The following CNKSR1 variants were observed in gnomAD, a reference collection of about 807,000 sequenced individuals.
The protein encoded by CNKSR1 is connector enhancer of kinase suppressor of Ras 1.
In CNKSR1, 88 loss-of-function variants were observed where a neutral mutation model predicts 95.6. The ratio of observed to expected loss-of-function variants is 0.92; its 90% CI spans 0.78 to 1.10. The LOEUF (loss-of-function observed/expected upper bound fraction) is 1.10, where lower values mean the gene tolerates loss of function less well. Among genes scored for constraint, CNKSR1 ranks in the 50% least tolerant of loss-of-function variants. The probability of loss-of-function intolerance (pLI) is 0.00; values close to 1 mark genes in which losing one functional copy is unlikely to be tolerated. For synonymous variants in CNKSR1, 355 were observed against 369.7 expected, an observed-to-expected ratio of 0.96 and a Z score of 0.46; for missense variants, 836 against 912.0, an observed-to-expected ratio of 0.92 and a Z score of 1.07.
In CNKSR1 at chr1:26,177,615, G is replaced by T; in HGVS notation, c.52+16G>T. On this transcript the variant is annotated intron_variant, in intron 1 of 20. Coordinates refer to ENST00000361530, the MANE Select transcript of CNKSR1 (RefSeq NM_006314.3). ...TGGCTGAGAGGTGGGTGGGGCTGGG[G>T]TAGAGTTGGGCTTGAAGGGGACTAG... is the stretch of plus-strand genomic sequence containing the variant. The T allele has an allele frequency of 2.5e-6, 4 of 1,613,994 alleles. No individual in the cohort carries two copies. Among genetic ancestry groups the T allele is most frequent in the Non-Finnish European group, 3.4e-6 (4 of 1,179,964 alleles).
rs1304859532 is a variant in CNKSR1 at position 26,181,135 on chromosome 1, G to T, written c.392+239G>T. Reference sequence around the variant, plus strand: ...TCTTTACCAAAAATATACAAAATTAGCCAGGTGTGGTGGTGCGCACCTGTA... The same window carrying T: ...TCTTTACCAAAAATATACAAAATTATCCAGGTGTGGTGGTGCGCACCTGTA... On this transcript the variant is annotated intron_variant, in intron 3 of 20. Transcript: ENST00000361530. 5 of 485,406 alleles carry T rather than the reference G, an allele frequency of 1.0e-5. No homozygotes were observed. The East Asian group carries it at 1.7e-4, about 17-fold the overall frequency. 30.1% of individuals were successfully genotyped at this position (485,406 alleles called of 1,614,324 possible).
chr1:26,188,967 C>T lies in CNKSR1; in HGVS notation c.1872+14C>T, dbSNP rs1219391848. Reference sequence around the variant, plus strand: ...AGCACACTCAAGGTCAGCTGGGGGGCTCTGGGCACAGCAAGGGACTAGGCT... The same window carrying T: ...AGCACACTCAAGGTCAGCTGGGGGGTTCTGGGCACAGCAAGGGACTAGGCT... On this transcript the variant is annotated intron_variant, in intron 20 of 20. Transcript: ENST00000361530. 6.2e-7 allele frequency: 1 copy of T among 1,612,392 alleles called. No homozygotes were observed. Among genetic ancestry groups the T allele is most frequent in the African/African-American group, 1.3e-5 (1 of 74,892 alleles).
Position 26,185,433 on chromosome 1 carries a change from C to T in CNKSR1, c.1308+247C>T, listed in dbSNP as rs1318644017. Among the ~76,000 whole-genome samples, 50 of 148,084 alleles carry T rather than the reference C, an allele frequency of 3.4e-4. No individual in the cohort carries two copies. In the Admixed American group the frequency reaches 3.4e-3, roughly 10 times the overall value. On this transcript the variant is annotated intron_variant, in intron 14 of 20. Coordinates refer to ENST00000361530, the MANE Select transcript of CNKSR1 (RefSeq NM_006314.3). ...TTGGAGACAAAGTCTCACTCTGTTG[C>T]CCAGGCCGGAGTGCAGTGGCATCAT...
chr1:26,180,676 C>G (rs187223074), intron 2 of CNKSR1, 39 bp from the exon 3 acceptor site: 2 of 1,613,862 alleles, frequency 1.2e-6, no homozygotes, highest in South Asian at 2.2e-5. Context: ...GGGGGGCTGG[C>G]TGCTGCCAGG....
Position 26,188,241 on chromosome 1 carries a change from C to T in CNKSR1, c.1462C>T (p.Arg488Cys), listed in dbSNP as rs144314289. Residue 488 changes from arginine (R) to cysteine (C), a missense_variant, in exon 17 of 21, where the codon CGT becomes TGT. By Grantham distance (180) the Arg-to-Cys change is radical. Coordinates refer to ENST00000361530, the MANE Select transcript of CNKSR1 (RefSeq NM_006314.3). ...CCTGCTTGCTCTCCATAGGTGGGTG[C>T]GTCATCTCATTACCTGCATCTCCAA... is the stretch of plus-strand genomic sequence containing the variant. Reference protein sequence around the residue: ...DTLTDLSMWVRHLITCISKYQ... With the variant: ...DTLTDLSMWVCHLITCISKYQ... 357 of 1,614,022 alleles carry T rather than the reference C, an allele frequency of 2.2e-4. No homozygotes were observed. Among genetic ancestry groups the T allele is most frequent in the Non-Finnish European group, 1.9e-4 (220 of 1,179,956 alleles).
intron 15 of CNKSR1, 71 bp downstream of exon 15, chr1:26,187,312 T>G (rs2088773090): frequency 3.8e-6 from 6 of 1,587,230 alleles, no homozygotes; most frequent in Non-Finnish European, 5.2e-6. Flanking sequence ...GGGGTAGCAG[T>G]GGGAGGTGTG....
chr1:26,185,131 G>T lies in CNKSR1; in HGVS notation c.1253G>T (p.Arg418Leu). 3.2e-6 allele frequency: 5 copies of T among 1,579,656 alleles called. No individual in the cohort carries two copies. The highest frequency in any genetic ancestry group is 4.3e-6 in the Non-Finnish European group (5 of 1,163,538). Residue 418 changes from arginine (R) to leucine (L), a missense_variant, in exon 14 of 21, where the codon CGC becomes CTC. Physicochemically the swap from Arg to Leu is moderately radical, Grantham distance 102 (BLOSUM62 -2). Transcript: ENST00000361530. ...APGGFMGPRW[R>L]RRWFVLKGHT... ...GGCGGCTTCATGGGCCCGCGCTGGC[G>T]CCGCCGCTGGTTTGTGCTCAAGGGA... is the stretch of plus-strand genomic sequence containing the variant.
Position 26,180,496 on chromosome 1 carries a change from G to C in CNKSR1, c.96G>C (p.Gln32His). Residue 32 changes from glutamine to histidine, a missense_variant, in exon 2 of 21, where the codon CAG becomes CAC. Transcript: ENST00000361530. ...SLQDYPFEDW[Q>H]LPGKNLLQLC... ...AGGACTATCCCTTTGAGGACTGGCAGCTGCCTGGCAAGAACCTGCTCCAGC... is the reference window on the plus strand; with the variant it reads ...AGGACTATCCCTTTGAGGACTGGCACCTGCCTGGCAAGAACCTGCTCCAGC... 1 of 1,614,180 alleles carries C rather than the reference G, an allele frequency of 6.2e-7. No individual in the cohort carries two copies. The highest frequency in any genetic ancestry group is 1.1e-5 in the South Asian group (1 of 91,080).
intron 20 of CNKSR1, 79 bp downstream of exon 20, chr1:26,189,032 C>A: frequency 1.4e-6 from 2 of 1,403,494 alleles, no homozygotes; most frequent in East Asian, 2.5e-5. Context: ...CACCTCCACC[C>A]TGGGCACCAG....
At chr1:26,181,125 T>G (rs2088640642) in intron 3 of CNKSR1, 2 of 509,960 alleles carry the variant, frequency 3.9e-6, no homozygotes, top group South Asian at 3.7e-5. Context: ...ACCAAAAATA[T>G]ACAAAATTAG....
Position 26,183,350 on chromosome 1 carries a change from C to T in CNKSR1, c.689C>T (p.Pro230Leu). Residue 230 changes from proline (P) to leucine (L), a missense_variant, in exon 8 of 21, where the codon CCC becomes CTC. Physicochemically the swap from Pro to Leu is moderately conservative, Grantham distance 98. Coordinates refer to ENST00000361530, the MANE Select transcript of CNKSR1 (RefSeq NM_006314.3). ...AGGCCCCATTCCCCACGTCAGGTTCCCACTGACTCCCGACTGCAGATCCAG... is the reference window on the plus strand; with the variant it reads ...AGGCCCCATTCCCCACGTCAGGTTCTCACTGACTCCCGACTGCAGATCCAG... ...HFVSQVDTQVPTDSRLQIQPG... is the reference protein window; with the variant it reads ...HFVSQVDTQVLTDSRLQIQPG... The T allele has an allele frequency of 6.2e-7, 1 of 1,614,208 alleles. No individual in the cohort carries two copies. The highest frequency in any genetic ancestry group is 1.1e-5 in the South Asian group (1 of 91,086).
At chr1:26,180,135 A>C (rs1163536225) in intron 1 of CNKSR1, 5 of 392,298 alleles carry the variant, frequency 1.3e-5, no homozygotes, top group African/African-American at 1.0e-4. Context: ...AAACAAAAAC[A>C]AAAAAAAGAC....
At position 26,180,728 on chromosome 1, in the gene CNKSR1, A is replaced by G. The variant is rs1210631931; in HGVS notation, c.224A>G (p.Gln75Arg). The G allele has an allele frequency of 6.2e-7, 1 of 1,614,158 alleles. No homozygotes were observed. The highest frequency in any genetic ancestry group is 1.1e-5 in the South Asian group (1 of 91,084). ...TTTCTGGCACAGAGCTCCAGGCTAC[A>G]GACAGAGAACCTGCAAAGCCTGACA... ...EQLQALSSRLQTENLQSLTEG... is the reference protein window; with the variant it reads ...EQLQALSSRLRTENLQSLTEG... The change falls in exon 3 of 21, where the codon CAG becomes CGG. Residue 75 changes from glutamine to arginine, a missense_variant. Coordinates refer to ENST00000361530, the MANE Select transcript of CNKSR1 (RefSeq NM_006314.3).
At chr1:26,183,165 G>C in intron 6 of CNKSR1, 32 bp from the exon 7 acceptor site, 3 of 1,611,998 alleles carry the variant, frequency 1.9e-6, no homozygotes, top group South Asian at 1.1e-5. Context: ...TTGCCCCCCA[G>C]CCCCCGGTGA....
In CNKSR1 at chr1:26,177,575, G is replaced by A. The variant is rs193216886; in HGVS notation, c.28G>A (p.Gly10Arg). The A allele has an allele frequency of 9.3e-4, 1,505 of 1,614,146 alleles. 11 individuals are homozygous for A. The highest frequency in any genetic ancestry group is 1.0e-4 in the Admixed American group (6 of 60,026). MEPVETWTP[G>R]KVATWLRGLD... ...GGAACCGGTAGAGACCTGGACCCCC[G>A]GAAAGGTGGCAACTTGGCTGAGAGG... Residue 10 changes from glycine to arginine, a missense_variant, in exon 1 of 21, where the codon GGA (glycine) becomes AGA (arginine). By Grantham distance (125) the Gly-to-Arg change is moderately radical. Coordinates refer to ENST00000361530, the MANE Select transcript of CNKSR1 (RefSeq NM_006314.3).
intron 15 of CNKSR1, 81 bp downstream of exon 15, chr1:26,187,322 G>A: frequency 1.9e-6 from 3 of 1,593,132 alleles, no homozygotes; most frequent in Non-Finnish European, 2.6e-6. Flanking sequence ...TGGGAGGTGT[G>A]GCAAGTGGCT....
Position 26,187,420 on chromosome 1 carries a change from G to T in CNKSR1, c.1392G>T (p.Gln464His), listed in dbSNP as rs761498757. 9 of 1,613,928 alleles carry T rather than the reference G, an allele frequency of 5.6e-6. No homozygotes were observed. In the Admixed American group the frequency reaches 6.7e-5, roughly 12 times the overall value. ...GHDQKKKYVF[Q>H]LTHDVYKPFI... ...CTCCACTACCTGGCAGTGTGTTTCA[G>T]CTCACCCATGATGTGTACAAACCCT... Residue 464 changes from glutamine (Q) to histidine (H), a missense_variant, in exon 16 of 21, where the codon CAG becomes CAT. Coordinates refer to ENST00000361530, the MANE Select transcript of CNKSR1 (RefSeq NM_006314.3).
intron 3 of CNKSR1, 62 bp downstream of exon 3, chr1:26,180,958 G>A: frequency 6.3e-7 from 1 of 1,598,970 alleles, no homozygotes; most frequent in Non-Finnish European, 8.6e-7. Flanking sequence ...TCAGGGCGTG[G>A]GAGAGAAAAA....
intron 1 of CNKSR1, chr1:26,180,134 CA>C: frequency 1.4e-4 from 57 of 407,016 alleles, no homozygotes; most frequent in East Asian, 1.7e-4. Context: ...AAAACAAAAA[CA>C]AAAAAAAGAC....
Sources: allele counts gnomAD v4.1 joint callset (sites outside exome capture counted in the v4.1 genomes callset), GRCh38; gene constraint gnomAD v4.1.1; transcripts MANE v1.5; gene names NCBI Gene and HGNC (gene_info 2026-07-23, HGNC 2026-07-21).